PTPRO: variants seen among roughly 807,000 people sequenced by gnomAD.
PTPRO encodes the protein receptor-type tyrosine-protein phosphatase O.
Under a neutral mutation model 145.2 loss-of-function variants are expected in PTPRO, and 62 were observed. That is an observed-to-expected ratio of 0.43 (90% CI 0.35 to 0.53). The LOEUF is 0.53. PTPRO is among the 20% of genes least tolerant of loss of function. PTPRO has a pLI of 0.01. For missense variants in PTPRO, 1,345 were observed against 1,482.7 expected, an observed-to-expected ratio of 0.91 and a Z score of 1.53; for synonymous variants, 565 against 514.7, an observed-to-expected ratio of 1.10 and a Z score of -1.32.
At chr12:15,367,531 A>G (rs1938398518) in intron 1 of PTPRO, among the ~76,000 whole-genome samples, 1 of 152,222 alleles carries the variant, frequency 6.6e-6, no homozygotes, top group African/African-American at 2.4e-5. Flanking sequence ...TCCTAAATTA[A>G]TATCTTCAAC....
chr12:15,507,285 C>T (rs2136480545), intron 6 of PTPRO, among the ~76,000 whole-genome samples: 1 of 151,946 alleles, frequency 6.6e-6, no homozygotes, highest in East Asian at 1.9e-4. Context: ...TAGTGGTGGG[C>T]ACCTGTAATC....
intron 2 of PTPRO, among the ~76,000 whole-genome samples, chr12:15,486,998 T>C (rs1417392415): frequency 6.6e-6 from 1 of 152,094 alleles, no homozygotes; most frequent in Non-Finnish European, 1.5e-5. Flanking sequence ...CTTCCCATGA[T>C]AGGCTGCCAG....
Position 15,586,913 on chromosome 12 carries a change from A to T in PTPRO, c.3272A>T (p.Asp1091Val), listed in dbSNP as rs749680461. ...TCTCTAAAGGCTGACGAGATGCAGG[A>T]TGTGATGCATTTTAACTACACTGCA... Reference protein sequence around the residue: ...FRINYADEMQDVMHFNYTAWP... With the variant: ...FRINYADEMQVVMHFNYTAWP... Residue 1091 changes from aspartate (D) to valine (V), a missense_variant, in exon 24 of 27, where the codon GAT becomes GTT. By Grantham distance (152) the Asp-to-Val change is radical. Around this residue, in one of 3 missense-constraint regions of PTPRO, gnomAD observed 208 missense variants for 242.8 expected, o/e 0.86. Coordinates refer to ENST00000281171, the MANE Select transcript of PTPRO (RefSeq NM_030667.3). 33 of 1,614,038 alleles carry T rather than the reference A, an allele frequency of 2.0e-5. No homozygotes were observed. Among genetic ancestry groups the T allele is most frequent in the Non-Finnish European group, 2.8e-5 (33 of 1,179,972 alleles).
At chr12:15,456,400 A>G (rs779787250) in intron 1 of PTPRO, among the ~76,000 whole-genome samples, 6 of 152,080 alleles carry the variant, frequency 3.9e-5, no homozygotes, top group Non-Finnish European at 5.9e-5. Flanking sequence ...TTTTGCATCT[A>G]TGTTTATCAG....
intron 1 of PTPRO, among the ~76,000 whole-genome samples, chr12:15,476,529 G>A (rs1400836328): frequency 6.7e-6 from 1 of 150,242 alleles, no homozygotes; most frequent in Admixed American, 6.7e-5. Flanking sequence ...TGTTCACTCT[G>A]ATGGTAGTTT....
intron 1 of PTPRO, among the ~76,000 whole-genome samples, chr12:15,465,145 T>G (rs1941388988): frequency 6.6e-6 from 1 of 152,218 alleles, no homozygotes; most frequent in African/African-American, 2.4e-5. Flanking sequence ...TGCAATAAGT[T>G]GAATACTGTC....
intron 1 of PTPRO, chr12:15,348,770 A>G (rs557959832): frequency 1.3e-5 from 2 of 150,842 alleles, no homozygotes; most frequent in African/African-American, 4.8e-5. Flanking sequence ...CCTGGGCGAC[A>G]GCGAGACTCC....
At chr12:15,517,084 ATTTT>A in intron 9 of PTPRO, 128 bp downstream of exon 9, 1 of 901,650 alleles carries the variant, frequency 1.1e-6, no homozygotes, top group Non-Finnish European at 1.8e-6. Context: ...GTGTTAGTTC[ATTTT>A]CACACTGCTG....
intron 1 of PTPRO, among the ~76,000 whole-genome samples, chr12:15,328,049 G>A (rs919003366): frequency 1.3e-5 from 2 of 151,908 alleles, no homozygotes; most frequent in African/African-American, 4.8e-5. Context: ...AGAAGGCGGA[G>A]GTTGCAGTGA....
intron 15 of PTPRO, among the ~76,000 whole-genome samples, chr12:15,556,643 G>A (rs1199756863): frequency 1.2e-4 from 18 of 151,950 alleles, no homozygotes; most frequent in Admixed American, 1.1e-3. Flanking sequence ...TGAATAATAC[G>A]GGCATCACAA....
intron 12 of PTPRO, among the ~76,000 whole-genome samples, chr12:15,541,721 C>T (rs1316085057): frequency 2.6e-5 from 4 of 152,160 alleles, no homozygotes; most frequent in African/African-American, 9.7e-5. Flanking sequence ...TCTTTAAAGG[C>T]CCTATTCATC....
chr12:15,341,322 C>T (rs1301407116), intron 1 of PTPRO, among the ~76,000 whole-genome samples: 1 of 152,028 alleles, frequency 6.6e-6, no homozygotes, highest in Non-Finnish European at 1.5e-5. Context: ...AAAAGGAAGA[C>T]CCCAGAATAT....
At chr12:15,476,579 A>T (rs1195258154) in intron 1 of PTPRO, among the ~76,000 whole-genome samples, 1 of 150,480 alleles carries the variant, frequency 6.6e-6, no homozygotes, top group Middle Eastern at 3.2e-3. Flanking sequence ...ATTAGATCCC[A>T]TTTGTCAATT....
At chr12:15,497,060 A>T (rs1942121635) in intron 2 of PTPRO, among the ~76,000 whole-genome samples, 185 bp from the exon 3 acceptor site, 1 of 152,216 alleles carries the variant, frequency 6.6e-6, no homozygotes, top group African/African-American at 2.4e-5. Flanking sequence ...CACCATATAA[A>T]ATGTACTTTA....
intron 12 of PTPRO, among the ~76,000 whole-genome samples, chr12:15,528,998 C>T (rs1187235563): frequency 6.6e-6 from 1 of 152,138 alleles, no homozygotes; most frequent in African/African-American, 2.4e-5. Flanking sequence ...ACCTGTCATA[C>T]AAGAAATGCA....
intron 1 of PTPRO, among the ~76,000 whole-genome samples, chr12:15,368,989 G>A (rs148032173): frequency 1.4e-3 from 216 of 152,316 alleles, no homozygotes; most frequent in African/African-American, 4.8e-3. Flanking sequence ...AACCACTGAG[G>A]TGGCAAATCC....
intron 1 of PTPRO, among the ~76,000 whole-genome samples, chr12:15,352,979 C>G (rs1937860046): frequency 6.6e-6 from 1 of 152,128 alleles, no homozygotes. Context: ...GAAAATATGT[C>G]TTAGGAATAA....
chr12:15,324,832 A>C (rs1298616765), intron 1 of PTPRO, among the ~76,000 whole-genome samples: 1 of 152,140 alleles, frequency 6.6e-6, no homozygotes, highest in Non-Finnish European at 1.5e-5. Context: ...AAAAATGGTA[A>C]ATTGGGCACA....
In PTPRO at chr12:15,578,863, T is replaced by G; in HGVS notation, c.2840T>G (p.Leu947Trp). Residue 947 changes from leucine (L) to tryptophan (W), a missense_variant, in exon 20 of 27, where the codon TTG (leucine) becomes TGG (tryptophan). This residue lies in a region of PTPRO where 1,130 missense variants were observed against 1,214.7 expected (regional missense o/e 0.93). Transcript: ENST00000281171. ...CTCTGTCCTTTACAGGAGTTGAAAT[T>G]GATTGGACTGGATATCCCACACTTT... ...KFSLQFEELK[L>W]IGLDIPHFAA... 6.3e-7 allele frequency: 1 copy of G among 1,595,994 alleles called. No homozygotes were observed. The highest frequency in any genetic ancestry group is 1.1e-5 in the South Asian group (1 of 90,716).
Sources: gnomAD v4.1 joint callset for allele counts (sites outside exome capture counted in the v4.1 genomes callset) on GRCh38, gnomAD v4.1.1 for gene constraint, gnomAD v4.1.1 regional missense constraint, MANE v1.5 for transcripts, NCBI Gene and HGNC (gene_info 2026-07-23, HGNC 2026-07-21) for gene names.